Variants in DNAAF11 observed in about 807,000 individuals in gnomAD.
DNAAF11 encodes dynein axonemal assembly factor 11, also known as leucine rich repeat containing 6.
DNAAF11 carries 45 observed loss-of-function variants against 60.8 expected under a neutral mutation model. That is an observed-to-expected ratio of 0.74 (90% CI 0.58 to 0.95). The LOEUF is 0.95. Ranked by LOEUF, DNAAF11 falls within the 40% of genes least tolerant of loss-of-function variation. The pLI, the probability that DNAAF11 is intolerant of heterozygous loss-of-function variation, is 0.00. For missense variants in DNAAF11, 546 were observed against 546.2 expected, an observed-to-expected ratio of 1.00 and a Z score of 0.00; for synonymous variants, 191 against 183.5, an observed-to-expected ratio of 1.04 and a Z score of -0.33.
At chr8:132,675,312 GA>G in intron 1 of DNAAF11, 171 bp downstream of exon 1, 1 of 630,900 alleles carries the variant, frequency 1.6e-6, no homozygotes, top group South Asian at 2.3e-5. Flanking sequence ...CCAGTCTGCA[GA>G]GGACCTGGTG....
chr8:132,648,718 A>C (rs1358959022), intron 3 of DNAAF11, among the ~76,000 whole-genome samples: 2 of 152,226 alleles, frequency 1.3e-5, no homozygotes, highest in Admixed American at 6.5e-5. Flanking sequence ...CACCAATAAC[A>C]GACAAACAGA....
intron 6 of DNAAF11, among the ~76,000 whole-genome samples, chr8:132,624,027 G>A (rs989897262): frequency 6.6e-6 from 1 of 152,090 alleles, no homozygotes; most frequent in Admixed American, 6.5e-5. Context: ...ACTTTATTAG[G>A]TAACAGGGAG....
At chr8:132,598,676 T>C (rs1435724219) in intron 10 of DNAAF11, among the ~76,000 whole-genome samples, 1 of 152,194 alleles carries the variant, frequency 6.6e-6, no homozygotes, top group Non-Finnish European at 1.5e-5. Flanking sequence ...TTAGCCATTA[T>C]CTCTTTAAAT....
At position 132,668,291 on chromosome 8, in the gene DNAAF11, T is replaced by C. The variant is rs1183177600; in HGVS notation, c.11-6664A>G. Among the ~76,000 whole-genome samples the C allele has an allele frequency of 2.6e-5, 4 of 152,234 alleles. No individual in the cohort carries two copies. In the East Asian group the frequency reaches 7.7e-4, roughly 29 times the overall value. On this transcript the variant is annotated intron_variant, in intron 1 of 11. Transcript: ENST00000620350. ...CTATATCCCAATCTAGTGATATCTTTAGGGACGACTTACTGGAGTGTGCTA... is the reference window on the plus strand; with the variant it reads ...CTATATCCCAATCTAGTGATATCTTCAGGGACGACTTACTGGAGTGTGCTA...
intron 1 of DNAAF11, among the ~76,000 whole-genome samples, chr8:132,673,018 A>G (rs939982417): frequency 6.6e-6 from 1 of 152,228 alleles, no homozygotes; most frequent in African/African-American, 2.4e-5. Context: ...ACACAGGAGC[A>G]GTCAGGAGAT....
chr8:132,602,482 A>C (rs1048606291), intron 10 of DNAAF11, among the ~76,000 whole-genome samples: 1 of 152,068 alleles, frequency 6.6e-6, no homozygotes, highest in African/African-American at 2.4e-5. Flanking sequence ...CAGCATTCCC[A>C]TACTTCCCAA....
intron 4 of DNAAF11, among the ~76,000 whole-genome samples, chr8:132,637,387 C>A (rs768678207): frequency 9.9e-5 from 15 of 152,178 alleles, no homozygotes; most frequent in Non-Finnish European, 2.2e-4. Context: ...AGGTGGATCA[C>A]CTGAGGTCAG....
intron 10 of DNAAF11, among the ~76,000 whole-genome samples, chr8:132,606,085 C>A (rs1818103032): frequency 6.8e-6 from 1 of 146,102 alleles, no homozygotes; most frequent in Admixed American, 6.7e-5. Context: ...ATTCCTATTG[C>A]CTACTGACAC....
chr8:132,650,887 G>T (rs1314977155), intron 3 of DNAAF11, among the ~76,000 whole-genome samples: 2 of 152,276 alleles, frequency 1.3e-5, no homozygotes, highest in South Asian at 2.1e-4. Flanking sequence ...CTATAATTTT[G>T]TAGATAAAAA....
Position 132,637,001 on chromosome 8 carries a change from A to G in DNAAF11, c.429+934T>C, listed in dbSNP as rs13269286. On this transcript the variant is annotated intron_variant, in intron 4 of 11. Coordinates refer to ENST00000620350, the MANE Select transcript of DNAAF11 (RefSeq NM_012472.6). ...TCTCTTTCCAGGAACATGGAGCCAC[A>G]TGCAGGCTGGGAACTCTTAGAATTA... Among the ~76,000 whole-genome samples the G allele has an allele frequency of 4.6e-5, 7 of 152,210 alleles. No individual in the cohort carries two copies. The South Asian group carries it at 6.2e-4, about 14-fold the overall frequency.
intron 4 of DNAAF11, among the ~76,000 whole-genome samples, chr8:132,634,112 A>G (rs913584285): frequency 3.3e-5 from 5 of 152,210 alleles, no homozygotes; most frequent in Admixed American, 2.6e-4. Context: ...CAGCTGAATT[A>G]TAAGTCAAAA....
At chr8:132,601,377 G>GTA (rs1554676345) in intron 10 of DNAAF11, among the ~76,000 whole-genome samples, 21 of 152,106 alleles carry the variant, frequency 1.4e-4, no homozygotes, top group Non-Finnish European at 8.8e-5. Context: ...ATTCTTCAAG[G>GTA]ATCTAGAACT....
At chr8:132,641,424 T>C (rs1227029659) in intron 3 of DNAAF11, among the ~76,000 whole-genome samples, 2 of 152,156 alleles carry the variant, frequency 1.3e-5, no homozygotes, top group South Asian at 2.1e-4. Context: ...TTAAGCTCCA[T>C]GAAGAGGGGA....
chr8:132,586,096 TG>T (rs1815859882), intron 10 of DNAAF11, among the ~76,000 whole-genome samples: 1 of 152,200 alleles, frequency 6.6e-6, no homozygotes, highest in Admixed American at 6.5e-5. Context: ...TAATGTTTTA[TG>T]GAGACTAAAA....
intron 11 of DNAAF11, among the ~76,000 whole-genome samples, chr8:132,577,452 G>C (rs1355934009): frequency 6.6e-6 from 1 of 152,176 alleles, no homozygotes; most frequent in Admixed American, 6.5e-5. Flanking sequence ...TCATCTATCA[G>C]TACATACAGA....
At chr8:132,681,568 G>A in the DNAAF11 span, among the ~76,000 whole-genome samples, 1 of 152,058 alleles carries the variant, frequency 6.6e-6, no homozygotes, top group Admixed American at 6.6e-5. Flanking sequence ...TGGAAGAGAA[G>A]TGGAATATAA....
chr8:132,611,996 A>G (rs1818714949), intron 8 of DNAAF11, among the ~76,000 whole-genome samples: 1 of 152,234 alleles, frequency 6.6e-6, no homozygotes, highest in South Asian at 2.1e-4. Context: ...ACATACTTCA[A>G]AATACTAATT....
intron 11 of DNAAF11, among the ~76,000 whole-genome samples, chr8:132,582,061 T>C (rs1166509144): frequency 6.6e-6 from 1 of 152,174 alleles, no homozygotes; most frequent in East Asian, 1.9e-4. Flanking sequence ...CTTGTGGCCC[T>C]CCCGGTGGAC....
At chr8:132,613,764 C>T (rs73355156) in intron 8 of DNAAF11, among the ~76,000 whole-genome samples, 11,665 of 152,210 alleles carry the variant, frequency 0.077, 1,218 homozygotes, top group African/African-American at 0.24. Context: ...GGTCCCTGTT[C>T]ACTTTGACAA....
Sources: gnomAD v4.1 joint callset for allele counts (sites outside exome capture counted in the v4.1 genomes callset) on GRCh38, gnomAD v4.1.1 for gene constraint, MANE v1.5 for transcripts, NCBI Gene and HGNC (gene_info 2026-07-23, HGNC 2026-07-21) for gene names.